The following ARHGEF26 variants were observed in gnomAD, a reference collection of about 807,000 sequenced individuals.
ARHGEF26 encodes Rho guanine nucleotide exchange factor (GEF) 26.
A neutral mutation model predicts 89.4 loss-of-function variants in ARHGEF26; 59 were observed. That is an observed-to-expected ratio of 0.66 (90% CI 0.54 to 0.82). The LOEUF is 0.82. Ranked by LOEUF, ARHGEF26 falls within the 40% of genes least tolerant of loss-of-function variation. The pLI is 0.00. For missense variants in ARHGEF26, 1,234 were observed against 1,085.6 expected (o/e 1.14, Z -1.92); for synonymous variants, 500 against 428.4 (o/e 1.17, Z -2.06).
At position 154,211,466 on chromosome 3, in the gene ARHGEF26, ACAGTGCC is replaced by A. The variant is rs1360219513; in HGVS notation, c.1846-6399_1846-6393del. Among the ~76,000 whole-genome samples, 7 of 142,562 alleles carry A rather than the reference ACAGTGCC, an allele frequency of 4.9e-5. No individual in the cohort carries two copies. The East Asian group carries it at 1.6e-3, about 32-fold the overall frequency. The allele number at this position is 142,562 out of a possible 152,430, so 93.5% of individuals were successfully genotyped here. On this transcript the variant is annotated intron_variant, in intron 9 of 14. Transcript: ENST00000465093. ...TCACAATTGCTGTGTTTTCTTTCCC[ACAGTGCC>A]CAGAGATGCTCTCTGCAACATGCCG...
chr3:154,202,231 A>C (rs1714690535), intron 9 of ARHGEF26, among the ~76,000 whole-genome samples: 1 of 152,206 alleles, frequency 6.6e-6, no homozygotes, highest in Non-Finnish European at 1.5e-5. Context: ...ATGGCTAGCC[A>C]GTTTTCCCAG....
At chr3:154,209,268 T>G (rs1715221911) in intron 9 of ARHGEF26, among the ~76,000 whole-genome samples, 1 of 152,208 alleles carries the variant, frequency 6.6e-6, no homozygotes, top group African/African-American at 2.4e-5. Flanking sequence ...CCCTGGTTCC[T>G]TATTTAGTTC....
intron 3 of ARHGEF26, among the ~76,000 whole-genome samples, chr3:154,128,459 G>A (rs1305192534): frequency 6.6e-6 from 1 of 152,014 alleles, no homozygotes; most frequent in Non-Finnish European, 1.5e-5. Context: ...GGCTGGTCTC[G>A]AACTCCTGAC....
chr3:154,149,925 T>TAAA (rs34955313), intron 5 of ARHGEF26, among the ~76,000 whole-genome samples: 3,481 of 139,520 alleles, frequency 0.025, 86 homozygotes, highest in African/African-American at 0.07. Context: ...GTTTATTTAG[T>TAAA]AAAAAAAAAA....
chr3:154,213,830 C>G (rs530123842), intron 9 of ARHGEF26, among the ~76,000 whole-genome samples: 1 of 151,986 alleles, frequency 6.6e-6, no homozygotes, highest in East Asian at 1.9e-4. Flanking sequence ...AAATGACTTA[C>G]AAATAGGCTC....
At chr3:154,192,181 T>G (rs1202284386) in intron 8 of ARHGEF26, among the ~76,000 whole-genome samples, 1 of 152,190 alleles carries the variant, frequency 6.6e-6, no homozygotes, top group African/African-American at 2.4e-5. Flanking sequence ...TTTGATCTAA[T>G]TAGAAAATAT....
chr3:154,225,248 A>G (rs773174971), intron 10 of ARHGEF26, among the ~76,000 whole-genome samples: 3 of 152,202 alleles, frequency 2.0e-5, no homozygotes, highest in Non-Finnish European at 4.4e-5. Flanking sequence ...AGAAAGTAGT[A>G]TGATGCTTTC....
intron 9 of ARHGEF26, among the ~76,000 whole-genome samples, chr3:154,214,357 G>A (rs555241912): frequency 6.6e-6 from 1 of 152,336 alleles, no homozygotes; most frequent in South Asian, 2.1e-4. Flanking sequence ...AATCCAGGCA[G>A]CAAGAGGTCT....
chr3:154,148,119 C>G (rs1326604157), intron 4 of ARHGEF26, among the ~76,000 whole-genome samples: 1 of 152,202 alleles, frequency 6.6e-6, no homozygotes, highest in African/African-American at 2.4e-5. Context: ...AGAGCCTGTT[C>G]TGTTACAGGC....
At chr3:154,228,188 G>T (rs1470043645) in intron 11 of ARHGEF26, among the ~76,000 whole-genome samples, 1 of 150,620 alleles carries the variant, frequency 6.6e-6, no homozygotes, top group Non-Finnish European at 1.5e-5. Context: ...CCAGGCTGGA[G>T]TGCAATGGCA....
chr3:154,173,575 C>T (rs775995455), intron 6 of ARHGEF26, among the ~76,000 whole-genome samples: 3 of 152,146 alleles, frequency 2.0e-5, no homozygotes, highest in Non-Finnish European at 4.4e-5. Flanking sequence ...GCAATTAATT[C>T]GTTCTTTAAT....
At chr3:154,214,071 A>G (rs115135914) in intron 9 of ARHGEF26, among the ~76,000 whole-genome samples, 1,578 of 152,282 alleles carry the variant, frequency 0.01, 20 homozygotes, top group African/African-American at 0.036. Context: ...GGAAACACAC[A>G]TGCAAAAGAG....
chr3:154,174,746 A>G (rs1712692049), intron 6 of ARHGEF26, among the ~76,000 whole-genome samples: 1 of 152,162 alleles, frequency 6.6e-6, no homozygotes, highest in Admixed American at 6.5e-5. Flanking sequence ...TTTTTATAGT[A>G]TTAACACAGA....
At chr3:154,241,524 G>A (rs186165217) in intron 12 of ARHGEF26, among the ~76,000 whole-genome samples, 7 of 152,284 alleles carry the variant, frequency 4.6e-5, no homozygotes, top group Non-Finnish European at 5.9e-5. Flanking sequence ...GATGATTAAC[G>A]AGAATATTCA....
In ARHGEF26 at chr3:154,256,943, G is replaced by A; in HGVS notation, c.*1470G>A. On this transcript the variant is annotated 3_prime_UTR_variant, in exon 15 of 15. Coordinates refer to ENST00000465093, the MANE Select transcript of ARHGEF26 (RefSeq NM_015595.4). Reference sequence around the variant, plus strand: ...GATGGGAGATTAAGAGGGGGGAAATGATTTTTACTGGCAGCTATATTCCCT... The same window carrying A: ...GATGGGAGATTAAGAGGGGGGAAATAATTTTTACTGGCAGCTATATTCCCT... 6.5e-7 allele frequency: 1 copy of A among 1,533,558 alleles called. No individual in the cohort carries two copies. The highest frequency in any genetic ancestry group is 8.7e-7 in the Non-Finnish European group (1 of 1,146,064). The allele number at this position is 1,533,558 out of a possible 1,614,324, so 95.0% of individuals were successfully genotyped here.
chr3:154,226,344 A>G (rs569717120), intron 11 of ARHGEF26, among the ~76,000 whole-genome samples: 50 of 152,230 alleles, frequency 3.3e-4, no homozygotes, highest in African/African-American at 1.1e-3. Context: ...CTACCATAAA[A>G]TTTTTGTGTA....
rs771865147 is a variant in ARHGEF26 at position 154,152,888 on chromosome 3, C to T, written c.1443C>T (p.His481=). ...ATACAATGACTAAAACCGAGAGGCA[C>T]CATCTTTTCTCCAATATTACAGATG... The part of the protein sequence containing the change: ...LSDTMTKTER[H]HLFSNITDVC... The change falls in exon 6 of 15, where the codon CAC becomes CAT. Residue 481 remains histidine (H), a synonymous_variant. Coordinates refer to ENST00000465093, the MANE Select transcript of ARHGEF26 (RefSeq NM_015595.4). The T allele has an allele frequency of 1.3e-6, 2 of 1,599,076 alleles. No individual in the cohort carries two copies. Among genetic ancestry groups the T allele is most frequent in the Non-Finnish European group, 1.7e-6 (2 of 1,172,974 alleles).
chr3:154,218,046 A>C, intron 10 of ARHGEF26, 88 bp downstream of exon 10: 1 of 1,216,888 alleles, frequency 8.2e-7, no homozygotes, highest in Non-Finnish European at 1.2e-6. Context: ...GTAGATAGGA[A>C]ATTGCTTTTC....
chr3:154,228,444 T>TC (rs1559913764), intron 11 of ARHGEF26, among the ~76,000 whole-genome samples: 1 of 151,418 alleles, frequency 6.6e-6, no homozygotes. Flanking sequence ...GCCTTTTTTT[T>TC]TTTTTCTTTT....
Sources: allele counts gnomAD v4.1 joint callset (sites outside exome capture counted in the v4.1 genomes callset), GRCh38; gene constraint gnomAD v4.1.1; transcripts MANE v1.5; gene names NCBI Gene and HGNC (gene_info 2026-07-23, HGNC 2026-07-21).